Variants in ZNF407 observed in about 807,000 individuals in gnomAD.
ZNF407 encodes zinc finger protein 407.
In ZNF407, 17 loss-of-function variants were observed where a neutral mutation model predicts 131.2. The observed-to-expected ratio is 0.13, with a 90% CI of 0.09 to 0.19. The LOEUF is 0.19. Ranked by LOEUF, ZNF407 falls within the 10% of genes least tolerant of loss-of-function variation. The pLI is 1.00. For missense variants in ZNF407, 2,681 were observed against 2,830.6 expected (o/e 0.95, Z 1.20); for synonymous variants, 1,156 against 1,062.0 (o/e 1.09, Z -1.72).
chr18:74,751,143 C>G (rs1347107946), intron 3 of ZNF407, among the ~76,000 whole-genome samples: 1 of 151,968 alleles, frequency 6.6e-6, no homozygotes, highest in Non-Finnish European at 1.5e-5. Flanking sequence ...TCAATTTACT[C>G]TTTTGTCATT....
At chr18:74,705,857 A>G (rs979273379) in intron 3 of ZNF407, among the ~76,000 whole-genome samples, 1 of 152,224 alleles carries the variant, frequency 6.6e-6, no homozygotes, top group Non-Finnish European at 1.5e-5. Flanking sequence ...ATACGAAACT[A>G]TGGTTACTAT....
intron 4 of ZNF407, among the ~76,000 whole-genome samples, chr18:74,812,032 A>G (rs1052845102): frequency 2.0e-5 from 3 of 152,140 alleles, no homozygotes; most frequent in Non-Finnish European, 2.9e-5. Flanking sequence ...AAGTATAAAA[A>G]TAAAAAAAAA....
intron 1 of ZNF407, among the ~76,000 whole-genome samples, chr18:74,628,681 A>G (rs1030291176): frequency 6.6e-5 from 10 of 152,028 alleles, no homozygotes; most frequent in Non-Finnish European, 2.9e-5. Context: ...GAACTCCTGG[A>G]CTCAAGCAAT....
At chr18:75,026,757 A>G (rs889448127) in intron 8 of ZNF407, among the ~76,000 whole-genome samples, 1 of 152,190 alleles carries the variant, frequency 6.6e-6, no homozygotes, top group African/African-American at 2.4e-5. Context: ...AAATACTTTG[A>G]GCATAGATTA....
At position 74,755,728 on chromosome 18, in the gene ZNF407, C is replaced by CCTTCCTTTCTTT. The variant is rs1555684064; in HGVS notation, c.4803-25697_4803-25696insCCTTTCTTTCTT. 2.4e-4 allele frequency among the ~76,000 whole-genome samples: 15 copies of CCTTCCTTTCTTT among 63,480 alleles called. 1 individual carries two copies. The highest frequency in any genetic ancestry group is 9.2e-4 in the South Asian group (1 of 1,082). 41.6% of individuals were successfully genotyped at this position (63,480 alleles called of 152,430 possible). A position where few individuals can be genotyped will look rare whatever the true frequency, so the allele number is the denominator to read the frequency against. ...CTCAGCCTGCCTCTCTTCTTTCTTTCCTTTCTTTCTTTCTTTCTTTCTTTC... is the reference window on the plus strand; with the variant it reads ...CTCAGCCTGCCTCTCTTCTTTCTTTCCTTCCTTTCTTTCTTTCTTTCTTTCTTTCTTTCTTTC... On this transcript the variant is annotated intron_variant, in intron 3 of 8. Coordinates refer to ENST00000299687, the MANE Select transcript of ZNF407 (RefSeq NM_017757.3).
intron 6 of ZNF407, among the ~76,000 whole-genome samples, chr18:74,888,891 G>T (rs1422275886): frequency 1.3e-5 from 2 of 152,120 alleles, no homozygotes; most frequent in Non-Finnish European, 2.9e-5. Flanking sequence ...CTTCTCATGG[G>T]TAGAATGGTT....
At chr18:75,026,138 C>T (rs1209513582) in intron 8 of ZNF407, among the ~76,000 whole-genome samples, 1 of 151,986 alleles carries the variant, frequency 6.6e-6, no homozygotes, top group Non-Finnish European at 1.5e-5. Flanking sequence ...AGTCAAGAGA[C>T]GACGACAAAG....
At chr18:74,700,205 C>T (rs117808686) in intron 3 of ZNF407, among the ~76,000 whole-genome samples, 171 of 152,236 alleles carry the variant, frequency 1.1e-3, no homozygotes, top group Non-Finnish European at 1.9e-3. Flanking sequence ...CTCAAATTAT[C>T]GCAGAGGGAG....
chr18:74,639,038 A>C (rs547941783), intron 2 of ZNF407, among the ~76,000 whole-genome samples: 10 of 152,190 alleles, frequency 6.6e-5, no homozygotes, highest in Non-Finnish European at 1.0e-4. Flanking sequence ...CAAGGCCTCC[A>C]TGATTCTGGG....
At chr18:74,972,828 TATC>T (rs1364732174) in intron 8 of ZNF407, among the ~76,000 whole-genome samples, 2 of 152,240 alleles carry the variant, frequency 1.3e-5, no homozygotes, top group African/African-American at 4.8e-5. Flanking sequence ...AAGCTACAAA[TATC>T]ATTATATTCT....
At chr18:75,028,920 T>A (rs1038598139) in intron 8 of ZNF407, among the ~76,000 whole-genome samples, 2 of 152,230 alleles carry the variant, frequency 1.3e-5, no homozygotes, top group Non-Finnish European at 2.9e-5. Context: ...TACATTAGAC[T>A]TCACTTTTAG....
intron 3 of ZNF407, among the ~76,000 whole-genome samples, chr18:74,710,384 T>C (rs1967729400): frequency 6.6e-6 from 1 of 152,242 alleles, no homozygotes; most frequent in Admixed American, 6.5e-5. Flanking sequence ...TTTCTTACTG[T>C]TTGACTAGAC....
chr18:74,623,604 T>A (rs1037942065), intron 1 of ZNF407, among the ~76,000 whole-genome samples: 1 of 152,268 alleles, frequency 6.6e-6, no homozygotes. Context: ...TTCTTTGATA[T>A]GCAGAAAGAA....
chr18:74,654,021 G>A (rs574888838), intron 3 of ZNF407, among the ~76,000 whole-genome samples: 1 of 151,786 alleles, frequency 6.6e-6, no homozygotes, highest in South Asian at 2.1e-4. Context: ...AAAATATTTA[G>A]TTTTACATTA....
chr18:74,720,126 G>A (rs753795958), intron 3 of ZNF407, among the ~76,000 whole-genome samples: 9 of 151,954 alleles, frequency 5.9e-5, no homozygotes, highest in Non-Finnish European at 1.3e-4. Flanking sequence ...TTCCACCAAC[G>A]GTGTATAAGA....
chr18:74,750,274 G>T (rs998551279), intron 3 of ZNF407, among the ~76,000 whole-genome samples: 3 of 152,092 alleles, frequency 2.0e-5, no homozygotes, highest in Non-Finnish European at 4.4e-5. Context: ...ATGCAAAATT[G>T]TTTAACAGTT....
rs531884554 is a variant in ZNF407, at chr18:74,631,477, C to T, written c.458C>T (p.Ser153Phe). 5 of 1,614,010 alleles carry T rather than the reference C, an allele frequency of 3.1e-6. No individual in the cohort carries two copies. Among genetic ancestry groups the T allele is most frequent in the South Asian group, 1.1e-5 (1 of 91,080 alleles). The change falls in exon 2 of 9, where the codon TCT becomes TTT. Residue 153 changes from serine to phenylalanine, a missense_variant. Physicochemically the swap from Ser to Phe is radical, Grantham distance 155. Around this residue, in one of 6 missense-constraint regions of ZNF407, gnomAD observed 1,789 missense variants for 1,748.7 expected, o/e 1.02. Coordinates refer to ENST00000299687, the MANE Select transcript of ZNF407 (RefSeq NM_017757.3). The part of the protein sequence containing the change: ...VSLKTDTEKT[S>F]AQEMVSLDLE... ...CTGAAAACAGACACTGAAAAAACATCTGCTCAGGAAATGGTTTCCCTTGAT... is the reference window on the plus strand; with the variant it reads ...CTGAAAACAGACACTGAAAAAACATTTGCTCAGGAAATGGTTTCCCTTGAT...
intron 8 of ZNF407, among the ~76,000 whole-genome samples, chr18:75,036,411 T>C (rs1220434281): frequency 1.3e-5 from 2 of 152,208 alleles, no homozygotes; most frequent in African/African-American, 4.8e-5. Context: ...AGAGAATTCA[T>C]ACCATTTGTT....
chr18:74,966,616 A>G (rs1264082133), intron 8 of ZNF407, among the ~76,000 whole-genome samples: 2 of 151,730 alleles, frequency 1.3e-5, no homozygotes, highest in African/African-American at 4.8e-5. Context: ...CAGTTTTGTT[A>G]TTTTTGCTTA....
Sources: allele counts gnomAD v4.1 joint callset (sites outside exome capture counted in the v4.1 genomes callset), GRCh38; gene constraint gnomAD v4.1.1; regional missense constraint gnomAD v4.1.1; transcripts MANE v1.5; gene names NCBI Gene and HGNC (gene_info 2026-07-23, HGNC 2026-07-21).